MID1: variants seen among roughly 807,000 people sequenced by gnomAD.
MID1 encodes the protein midline 1.
In MID1, 7 loss-of-function variants were observed where a neutral mutation model predicts 40.4. The observed-to-expected ratio is 0.17, with a 90% CI of 0.10 to 0.33. MID1 has a LOEUF of 0.33. Among genes scored for constraint, MID1 ranks in the 10% least tolerant of loss-of-function variants. The pLI, the probability that MID1 is intolerant of heterozygous loss-of-function variation, is 1.00. For synonymous variants in MID1, 229 were observed against 221.2 expected (o/e 1.04, Z -0.31); for missense variants, 367 against 558.5 (o/e 0.66, Z 3.46).
intron 9 of MID1, among the ~76,000 whole-genome samples, chrX:10,451,373 C>T (rs1027367897): frequency 3.6e-5 from 4 of 111,421 alleles, no homozygotes; most frequent in South Asian, 3.8e-4. Flanking sequence ...TCTAGATGAG[C>T]GCCTGAGTAC....
chrX:10,645,507 T>C (rs1342048250), intron 1 of MID1, among the ~76,000 whole-genome samples: 4 of 112,136 alleles, frequency 3.6e-5, no homozygotes, highest in Non-Finnish European at 7.5e-5. Context: ...ATTTAGGTGA[T>C]AGTTCATGAT....
intron 1 of MID1, among the ~76,000 whole-genome samples, chrX:10,783,041 C>T (rs1432429901): frequency 1.8e-5 from 2 of 112,137 alleles, no homozygotes; most frequent in African/African-American, 6.5e-5. Flanking sequence ...TCCCTAGCCC[C>T]TGATGGCTAT....
intron 1 of MID1, among the ~76,000 whole-genome samples, chrX:10,708,887 G>C (rs938513832): frequency 8.9e-6 from 1 of 112,187 alleles, no homozygotes; most frequent in African/African-American, 3.2e-5. Context: ...ACTATAAAAT[G>C]AATATCTAGT....
chrX:10,466,561 C>T (rs1055840704), intron 7 of MID1, among the ~76,000 whole-genome samples: 3 of 111,523 alleles, frequency 2.7e-5, no homozygotes, highest in Non-Finnish European at 3.8e-5. Context: ...GATTTCCCAT[C>T]TTTCCTCACT....
chrX:10,790,868 C>A (rs920360385), intron 1 of MID1, among the ~76,000 whole-genome samples: 5 of 112,186 alleles, frequency 4.5e-5, no homozygotes, highest in African/African-American at 1.6e-4. Context: ...GAGCTCTTAT[C>A]ATATTTTATA....
At position 10,731,948 on chromosome X, in the gene MID1, C is replaced by T. The variant is rs1047604628; in HGVS notation, c.-187+101606G>A. Among the ~76,000 whole-genome samples the T allele has an allele frequency of 4.5e-5, 3 of 66,531 alleles. No homozygotes were observed. In the East Asian group the frequency reaches 1.5e-3, roughly 33 times the overall value. 57.8% of individuals were successfully genotyped at this position (66,531 alleles called of 115,157 possible). A position where few individuals can be genotyped will look rare whatever the true frequency, so the allele number is the denominator to read the frequency against. On this transcript the variant is annotated intron_variant, in intron 1 of 10. Transcript: ENST00000380785. Reference sequence around the variant, plus strand: ...GCACTCTGCACTCTGTCCTGGGCGACAGAGCAAGAATCTATCACAAAAAAA... The same window carrying T: ...GCACTCTGCACTCTGTCCTGGGCGATAGAGCAAGAATCTATCACAAAAAAA...
At chrX:10,547,443 G>A (rs755509824) in intron 2 of MID1, among the ~76,000 whole-genome samples, 21 of 107,678 alleles carry the variant, frequency 2.0e-4, no homozygotes, top group African/African-American at 4.7e-4. Context: ...ATGGTGGCAC[G>A]TGCCTGTAAT....
At chrX:10,471,769 T>A (rs1410229690) in intron 6 of MID1, among the ~76,000 whole-genome samples, 1 of 112,477 alleles carries the variant, frequency 8.9e-6, no homozygotes, top group Non-Finnish European at 1.9e-5. Context: ...ATTGAATTAT[T>A]TCTCCATCAA....
rs1349887335 is a variant in MID1, at chrX:10,674,457, G to A, written c.-186-54038C>T. Among the ~76,000 whole-genome samples, 4 of 111,967 alleles carry A rather than the reference G, an allele frequency of 3.6e-5. No individual in the cohort carries two copies. In the East Asian group the frequency reaches 1.1e-3, roughly 31 times the overall value. On this transcript the variant is annotated intron_variant, in intron 1 of 10. Transcript: ENST00000380785. ...ATAGCTTTCATCTCTAACAGCAAACGTGTGCCATATGAGTGACACCCAAGC... is the reference window on the plus strand; with the variant it reads ...ATAGCTTTCATCTCTAACAGCAAACATGTGCCATATGAGTGACACCCAAGC...
intron 1 of MID1, among the ~76,000 whole-genome samples, chrX:10,754,294 A>T (rs2043616906): frequency 9.2e-6 from 1 of 108,555 alleles, no homozygotes; most frequent in Non-Finnish European, 1.9e-5. Context: ...AGAATAGACA[A>T]GAGAGTTTTT....
At chrX:10,814,695 C>T (rs1303326590) in intron 1 of MID1, among the ~76,000 whole-genome samples, 11 of 110,736 alleles carry the variant, frequency 9.9e-5, no homozygotes, top group African/African-American at 3.3e-4. Flanking sequence ...ACTATGTCCA[C>T]CTCCCTCCTG....
intron 3 of MID1, among the ~76,000 whole-genome samples, chrX:10,520,376 A>G (rs1186318386): frequency 8.9e-6 from 1 of 111,775 alleles, no homozygotes; most frequent in African/African-American, 3.3e-5. Context: ...GAATCCATAA[A>G]TGCAATATTC....
chrX:10,800,967 C>T (rs975194595), intron 1 of MID1, among the ~76,000 whole-genome samples: 3 of 111,555 alleles, frequency 2.7e-5, no homozygotes, highest in African/African-American at 9.8e-5. Flanking sequence ...CCCTCAGGAA[C>T]CATTTTGGTA....
intron 1 of MID1, among the ~76,000 whole-genome samples, chrX:10,815,396 G>A (rs1264629036): frequency 8.9e-6 from 1 of 112,062 alleles, no homozygotes; most frequent in Admixed American, 9.4e-5. Flanking sequence ...TGAAATTACA[G>A]ACAGAAGCAG....
intron 1 of MID1, among the ~76,000 whole-genome samples, chrX:10,639,746 T>C (rs1187831045): frequency 4.5e-5 from 5 of 110,848 alleles, no homozygotes; most frequent in Non-Finnish European, 1.9e-5. Context: ...AGGAAAAAAA[T>C]GTTAAGGGCA....
upstream of MID1, among the ~76,000 whole-genome samples, chrX:10,624,372 A>G (rs1473063668): frequency 1.8e-5 from 2 of 112,194 alleles, no homozygotes; most frequent in Non-Finnish European, 3.8e-5. Context: ...AATGTACCCT[A>G]AGCTTGTTGT....
intron 2 of MID1, among the ~76,000 whole-genome samples, chrX:10,547,676 A>G (rs1672166215): frequency 9.1e-6 from 1 of 109,667 alleles, no homozygotes; most frequent in South Asian, 3.8e-4. Flanking sequence ...AAGAAAAGAA[A>G]AAAGAAAAGA....
chrX:10,608,758 C>T (rs1482317253), intron 1 of MID1, among the ~76,000 whole-genome samples: 1 of 111,930 alleles, frequency 8.9e-6, no homozygotes, highest in Non-Finnish European at 1.9e-5. Context: ...GTTTTAAAGA[C>T]CAGTGTTATA....
At chrX:10,560,828 T>TTG (rs1286335547) in intron 2 of MID1, among the ~76,000 whole-genome samples, 3 of 107,400 alleles carry the variant, frequency 2.8e-5, no homozygotes, top group African/African-American at 3.7e-5. Context: ...GCTATCCCCA[T>TTG]CAAGCTACCA....
Sources: gnomAD v4.1 joint callset for allele counts (sites outside exome capture counted in the v4.1 genomes callset) on GRCh38, gnomAD v4.1.1 for gene constraint, MANE v1.5 for transcripts, NCBI Gene and HGNC (gene_info 2026-07-23, HGNC 2026-07-21) for gene names.